The following DPYSL5 variants were observed in gnomAD, a reference collection of about 807,000 sequenced individuals.
DPYSL5 encodes dihydropyrimidinase like 5, also known as dihydropyrimidinase-related protein 5.
Under a neutral mutation model 58.4 loss-of-function variants are expected in DPYSL5, and 9 were observed. That is an observed-to-expected ratio of 0.15 (90% CI 0.09 to 0.27). The LOEUF is 0.27. Ranked by LOEUF, DPYSL5 falls within the 10% of genes least tolerant of loss-of-function variation. DPYSL5 has a pLI of 1.00. For synonymous variants in DPYSL5, 293 were observed against 301.9 expected (o/e 0.97, Z 0.31); for missense variants, 499 against 770.6 (o/e 0.65, Z 4.17).
intron 1 of DPYSL5, among the ~76,000 whole-genome samples, chr2:26,854,797 TTTTTTC>T (rs764916271): frequency 3.6e-4 from 54 of 151,876 alleles, no homozygotes; most frequent in East Asian, 5.8e-4. Flanking sequence ...CATTTAAATT[TTTTTTC>T]TTTTTCTTTT....
At chr2:26,932,026 GAAAGA>G (rs1157914817) in intron 6 of DPYSL5, among the ~76,000 whole-genome samples, 3 of 40,158 alleles carry the variant, frequency 7.5e-5, no homozygotes, top group African/African-American at 2.6e-4. Flanking sequence ...AAAAAAAAAA[GAAAGA>G]AAAGAAAAGA....
chr2:26,937,118 A>G (rs1258901098), intron 8 of DPYSL5, among the ~76,000 whole-genome samples: 1 of 152,054 alleles, frequency 6.6e-6, no homozygotes, highest in Non-Finnish European at 1.5e-5. Context: ...TGAAAGAACA[A>G]AAAAGATAAT....
At chr2:26,889,715 CACA>C (rs1186384214) in intron 1 of DPYSL5, among the ~76,000 whole-genome samples, 3 of 151,456 alleles carry the variant, frequency 2.0e-5, no homozygotes, top group Non-Finnish European at 2.9e-5. Flanking sequence ...AAGCCTGTAT[CACA>C]ACAATTGCCC....
intron 2 of DPYSL5, among the ~76,000 whole-genome samples, chr2:26,911,864 A>T (rs1664448633): frequency 6.6e-6 from 1 of 152,212 alleles, no homozygotes; most frequent in South Asian, 2.1e-4. Context: ...ACTTAGGTTT[A>T]GGAGGGCACT....
intron 2 of DPYSL5, among the ~76,000 whole-genome samples, chr2:26,903,476 G>C (rs577289480): frequency 3.3e-5 from 5 of 152,270 alleles, no homozygotes; most frequent in African/African-American, 1.2e-4. Flanking sequence ...GGGAATTTTT[G>C]AAAGATCCAG....
At chr2:26,909,728 T>A (rs1664385491) in intron 2 of DPYSL5, among the ~76,000 whole-genome samples, 3 of 151,954 alleles carry the variant, frequency 2.0e-5, no homozygotes, top group Admixed American at 1.3e-4. Flanking sequence ...TGAGCTATGA[T>A]CATGCCACTG....
At chr2:26,886,966 T>A (rs568954058) in intron 1 of DPYSL5, among the ~76,000 whole-genome samples, 25 of 152,338 alleles carry the variant, frequency 1.6e-4, no homozygotes, top group Non-Finnish European at 2.9e-4. Flanking sequence ...CTTTAGCAAA[T>A]GTTACCTGCT....
intron 2 of DPYSL5, among the ~76,000 whole-genome samples, chr2:26,903,862 A>G (rs1388307358): frequency 1.3e-5 from 2 of 152,162 alleles, no homozygotes; most frequent in African/African-American, 4.8e-5. Context: ...ACCTATGGCA[A>G]TCGTCAGTGA....
Position 26,890,841 on chromosome 2 carries a change from C to T in DPYSL5, c.-4-7655C>T, listed in dbSNP as rs576427721. Among the ~76,000 whole-genome samples, 13 of 152,300 alleles carry T rather than the reference C, an allele frequency of 8.5e-5. No homozygotes were observed. The East Asian group carries it at 2.1e-3, about 25-fold the overall frequency. On this transcript the variant is annotated intron_variant, in intron 1 of 12. Transcript: ENST00000288699. ...GCTGCCTTCTCACTGTGTCCTCACACGGCCTTTCTTCTGTTCCTGTGCCTG... is the reference window on the plus strand; with the variant it reads ...GCTGCCTTCTCACTGTGTCCTCACATGGCCTTTCTTCTGTTCCTGTGCCTG...
At chr2:26,867,465 T>G (rs1572676204) in intron 1 of DPYSL5, among the ~76,000 whole-genome samples, 2 of 149,816 alleles carry the variant, frequency 1.3e-5, no homozygotes, top group East Asian at 1.9e-4. Flanking sequence ...GTTTGTTTTT[T>G]TTTTTTTTGA....
At chr2:26,922,546 T>A (rs2148156215) in intron 2 of DPYSL5, among the ~76,000 whole-genome samples, 1 of 152,350 alleles carries the variant, frequency 6.6e-6, no homozygotes, top group East Asian at 1.9e-4. Flanking sequence ...TGAGGACTGG[T>A]CCTGGCTCTT....
intron 8 of DPYSL5, among the ~76,000 whole-genome samples, chr2:26,936,704 C>T (rs1213504868): frequency 2.6e-5 from 4 of 152,088 alleles, no homozygotes; most frequent in Admixed American, 2.0e-4. Flanking sequence ...GTAATCCCAG[C>T]ACTTTGGGAG....
In DPYSL5 at chr2:26,925,716, G is replaced by A. The variant is rs374616455; in HGVS notation, c.420+671G>A. ...GGTCAGAGTCCAGACTCCTCTCCCC[G>A]GATTCCCACTTCCTTGCTCTTCCTA... On this transcript the variant is annotated intron_variant, in intron 3 of 12. Coordinates refer to ENST00000288699, the MANE Select transcript of DPYSL5 (RefSeq NM_020134.4). This position sits in a 1 kb window ranked among gnomAD's most constrained non-coding sequence, Gnocchi z 4.5. Among the ~76,000 whole-genome samples the A allele has an allele frequency of 3.9e-5, 6 of 152,080 alleles. No individual in the cohort carries two copies. Among genetic ancestry groups the A allele is most frequent in the Admixed American group, 6.6e-5 (1 of 15,258 alleles).
intron 2 of DPYSL5, among the ~76,000 whole-genome samples, chr2:26,914,941 AC>A (rs1392724762): frequency 2.6e-5 from 4 of 150,988 alleles, no homozygotes; most frequent in Non-Finnish European, 5.9e-5. Flanking sequence ...ATAACCCCAT[AC>A]CCCCGGGCTT....
At chr2:26,884,970 A>C (rs944322587) in intron 1 of DPYSL5, among the ~76,000 whole-genome samples, 1 of 152,144 alleles carries the variant, frequency 6.6e-6, no homozygotes, top group Non-Finnish European at 1.5e-5. Context: ...AGGCTGAGGC[A>C]GGCGGATCAC....
At chr2:26,866,985 C>T (rs1056553625) in intron 1 of DPYSL5, among the ~76,000 whole-genome samples, 1 of 151,952 alleles carries the variant, frequency 6.6e-6, no homozygotes, top group African/African-American at 2.4e-5. Flanking sequence ...TCGCATGCCT[C>T]GGCCTCCCAA....
At chr2:26,907,275 C>T (rs2148144224) in intron 2 of DPYSL5, among the ~76,000 whole-genome samples, 1 of 152,084 alleles carries the variant, frequency 6.6e-6, no homozygotes, top group South Asian at 2.1e-4. Context: ...CCACCATGCC[C>T]AGCTAATTTT....
At chr2:26,864,187 G>A (rs1176039803) in intron 1 of DPYSL5, among the ~76,000 whole-genome samples, 1 of 152,210 alleles carries the variant, frequency 6.6e-6, no homozygotes, top group African/African-American at 2.4e-5. Context: ...GGAGGTTTCA[G>A]TGGGCCCAGA....
rs1183293332 is a variant in DPYSL5 at position 26,898,710 on chromosome 2, C to A, written c.211C>A (p.Gln71Lys). ...CATCGACACCAGCACCCACTTCCAC[C>A]AGACCTTCATGAATGCCACGTGCGT... The part of the protein sequence containing the change: ...GGIDTSTHFH[Q>K]TFMNATCVDD... The change falls in exon 2 of 13, where the codon CAG (glutamine) becomes AAG (lysine). Residue 71 changes from glutamine (Q) to lysine (K), a missense_variant. Gln to Lys is a moderately conservative substitution (Grantham distance 53). Around this residue, in one of 3 missense-constraint regions of DPYSL5, gnomAD observed 404 missense variants for 647.6 expected, o/e 0.62. Transcript: ENST00000288699. This position sits in a 1 kb window ranked among gnomAD's most constrained non-coding sequence, Gnocchi z 6.1. 6.2e-7 allele frequency: 1 copy of A among 1,613,910 alleles called. No homozygotes were observed. The highest frequency in any genetic ancestry group is 1.1e-5 in the South Asian group (1 of 91,070).
Sources: allele counts gnomAD v4.1 joint callset (sites outside exome capture counted in the v4.1 genomes callset), GRCh38; gene constraint gnomAD v4.1.1; regional missense constraint gnomAD v4.1.1; non-coding constraint Gnocchi (gnomAD v3.1); transcripts MANE v1.5; gene names NCBI Gene and HGNC (gene_info 2026-07-23, HGNC 2026-07-21).